The following DMXL2 variants were observed in gnomAD, a reference collection of about 807,000 sequenced individuals.
DMXL2 encodes the protein Dmx like 2.
In DMXL2, 103 loss-of-function variants were observed where a neutral mutation model predicts 331.1. The observed-to-expected ratio is 0.31, with a 90% CI of 0.27 to 0.37. DMXL2 has a LOEUF of 0.37. Ranked by LOEUF, DMXL2 falls within the 10% of genes least tolerant of loss-of-function variation. The probability of loss-of-function intolerance (pLI) is 1.00; values close to 1 mark genes in which losing one functional copy is unlikely to be tolerated. For missense variants in DMXL2, 3,171 were observed against 3,642.9 expected (o/e 0.87, Z 3.33); for synonymous variants, 1,281 against 1,252.1 (o/e 1.02, Z -0.49).
chr15:51,457,048 T>G (rs1595883938), intron 37 of DMXL2, among the ~76,000 whole-genome samples: 1 of 152,288 alleles, frequency 6.6e-6, no homozygotes, highest in Admixed American at 6.5e-5. Context: ...GGCATGCACC[T>G]GTAGTCCCAG....
chr15:51,588,771 A>G lies in DMXL2; in HGVS notation c.88-12590T>C, dbSNP rs562299180. Among the ~76,000 whole-genome samples the G allele has an allele frequency of 6.6e-5, 10 of 152,332 alleles. 1 individual carries two copies. Among genetic ancestry groups the G allele is most frequent in the African/African-American group, 2.4e-4 (10 of 41,570 alleles). ...CCAACACCTTCAGTATGATGGAAAG[A>G]GCATATTCCTGAGAATCTAGAGGAG... On this transcript the variant is annotated intron_variant, in intron 1 of 43. Coordinates refer to ENST00000560891, the MANE Select transcript of DMXL2 (RefSeq NM_001378457.1).
chr15:51,527,370 C>T (rs1041083763), intron 13 of DMXL2, among the ~76,000 whole-genome samples: 1 of 151,964 alleles, frequency 6.6e-6, no homozygotes, highest in South Asian at 2.1e-4. Flanking sequence ...CAACACCAGA[C>T]GTGTCATACA....
intron 41 of DMXL2, chr15:51,453,248 G>A (rs1319359552): frequency 4.6e-6 from 1 of 217,544 alleles, no homozygotes; most frequent in African/African-American, 2.3e-5. Context: ...AAATAAAAAT[G>A]TTGAGAATGA....
At position 51,565,154 on chromosome 15, in the gene DMXL2, G is replaced by A. The variant is rs140089794; in HGVS notation, c.298C>T (p.Gln100Ter). 6.4e-7 allele frequency: 1 copy of A among 1,573,636 alleles called. No individual in the cohort carries two copies. Among genetic ancestry groups the A allele is most frequent in the Non-Finnish European group, 8.6e-7 (1 of 1,162,820 alleles). ...AAAAACTGCCCAGTTTTAAGCCACT[G>A]GCACTTGAGTTGCTGAAATACGTAG... Reference protein sequence around the residue: ...SHKRNCQLKCQWLKTGQFFLS... With the variant: ...SHKRNCQLKC The change falls in exon 4 of 44, where the codon CAG becomes TAG. Residue 100 changes from glutamine to a stop codon, truncating the protein, a stop_gained. Transcript: ENST00000560891. LOFTEE classifies it high-confidence loss of function.
intron 1 of DMXL2, among the ~76,000 whole-genome samples, chr15:51,615,238 C>T (rs2054219160): frequency 6.6e-6 from 1 of 152,138 alleles, no homozygotes; most frequent in Admixed American, 6.5e-5. Context: ...AATCTGGAAT[C>T]AGGCTGAGAA....
At chr15:51,601,705 A>G (rs937057931) in intron 1 of DMXL2, among the ~76,000 whole-genome samples, 1 of 152,182 alleles carries the variant, frequency 6.6e-6, no homozygotes, top group Admixed American at 6.5e-5. Flanking sequence ...TTGCTCTTCA[A>G]TATTGCCTTA....
At chr15:51,477,713 T>C (rs977150445) in intron 26 of DMXL2, among the ~76,000 whole-genome samples, 4 of 152,098 alleles carry the variant, frequency 2.6e-5, no homozygotes, top group African/African-American at 9.6e-5. Context: ...GCTACTTACA[T>C]TGCTCTAGTC....
intron 19 of DMXL2, among the ~76,000 whole-genome samples, chr15:51,492,422 C>T (rs1201939896): frequency 6.6e-6 from 1 of 152,156 alleles, no homozygotes; most frequent in East Asian, 1.9e-4. Flanking sequence ...GCTTTTAGTG[C>T]CTTCAGTTAA....
In DMXL2 at chr15:51,498,704, C is replaced by T; in HGVS notation, c.4520G>A (p.Gly1507Asp). Residue 1507 changes from glycine (G) to aspartate (D), a missense_variant, in exon 18 of 44, where the codon GGC (glycine) becomes GAC (aspartate). By Grantham distance (94) the Gly-to-Asp change is moderately conservative. Transcript: ENST00000560891. ...TGAAAGTACCCTTGCATGTTCTTGG[C>T]CAAAGTAAGCTGGTCCATATTGAGA... is the stretch of plus-strand genomic sequence containing the variant. ...NLSQYGPAYF[G>D]QEHARVLSSH... 1 of 1,614,102 alleles carries T rather than the reference C, an allele frequency of 6.2e-7. No homozygotes were observed. The highest frequency in any genetic ancestry group is 8.5e-7 in the Non-Finnish European group (1 of 1,180,010).
At chr15:51,568,253 C>G (rs2050423931) in intron 3 of DMXL2, 4 of 392,434 alleles carry the variant, frequency 1.0e-5, no homozygotes, top group Non-Finnish European at 1.8e-5. Flanking sequence ...TAGGGTAGAT[C>G]TCAGTTAACA....
intron 16 of DMXL2, 79 bp downstream of exon 16, chr15:51,507,055 C>A (rs1173126996): frequency 6.0e-6 from 7 of 1,162,450 alleles, no homozygotes; most frequent in Non-Finnish European, 7.9e-6. Context: ...CTTCATTTTA[C>A]AGAATTAACC....
chr15:51,495,170 A>C (rs1479738007), intron 18 of DMXL2, 36 bp from the exon 19 acceptor site: 1 of 1,346,446 alleles, frequency 7.4e-7, no homozygotes, highest in Non-Finnish European at 1.1e-6. Flanking sequence ...TAAGGAAAAA[A>C]GAATGCAAGA....
chr15:51,519,123 A>G (rs1274897839), intron 13 of DMXL2, among the ~76,000 whole-genome samples: 2 of 152,184 alleles, frequency 1.3e-5, no homozygotes, highest in African/African-American at 2.4e-5. Flanking sequence ...AAAACTGCAC[A>G]TATGTGTTTT....
chr15:51,608,363 A>G (rs1190326625), intron 1 of DMXL2, among the ~76,000 whole-genome samples: 1 of 152,230 alleles, frequency 6.6e-6, no homozygotes, highest in East Asian at 1.9e-4. Flanking sequence ...ATGCCCATCA[A>G]TAATAGACTG....
At chr15:51,459,781 G>C in intron 33 of DMXL2, 121 bp from the exon 34 acceptor site, 1 of 1,202,362 alleles carries the variant, frequency 8.3e-7, no homozygotes, top group Non-Finnish European at 1.1e-6. Flanking sequence ...AAATGAATTT[G>C]CAAAATCAAG....
At chr15:51,454,450 A>C (rs1232790552) in intron 40 of DMXL2, among the ~76,000 whole-genome samples, 3 of 152,086 alleles carry the variant, frequency 2.0e-5, no homozygotes, top group Non-Finnish European at 4.4e-5. Flanking sequence ...TTATTTTATA[A>C]TCTGGTAAGC....
intron 16 of DMXL2, among the ~76,000 whole-genome samples, chr15:51,503,648 A>G (rs2043842768): frequency 6.6e-6 from 1 of 152,206 alleles, no homozygotes; most frequent in African/African-American, 2.4e-5. Context: ...CTATTGTTTG[A>G]TAGCACAGTA....
intron 1 of DMXL2, among the ~76,000 whole-genome samples, chr15:51,588,059 C>G (rs890459320): frequency 2.0e-5 from 3 of 151,448 alleles, no homozygotes; most frequent in African/African-American, 4.9e-5. Flanking sequence ...ATTGTAGATT[C>G]TGGATATTAG....
In DMXL2 at chr15:51,506,450, CTTTTTTTTTTTT is replaced by C. The variant is rs531570148; in HGVS notation, c.2764+672_2764+683del. On this transcript the variant is annotated intron_variant, in intron 16 of 43. Coordinates refer to ENST00000560891, the MANE Select transcript of DMXL2 (RefSeq NM_001378457.1). The stretch of plus-strand genomic sequence containing the variant: ...CATATTTCATCAAACAGCAATTCTG[CTTTTTTTTTTTT>C]TTTTTTTTTGAGATGGAGTCTTGCT... Among the ~76,000 whole-genome samples, 3 of 121,956 alleles carry C rather than the reference CTTTTTTTTTTTT, an allele frequency of 2.5e-5. No individual in the cohort carries two copies. In the South Asian group the frequency reaches 7.7e-4, roughly 31 times the overall value. The allele number at this position is 121,956 out of a possible 152,430, so 80.0% of individuals were successfully genotyped here.
Sources: allele counts gnomAD v4.1 joint callset (sites outside exome capture counted in the v4.1 genomes callset), GRCh38; gene constraint gnomAD v4.1.1; transcripts MANE v1.5; gene names NCBI Gene and HGNC (gene_info 2026-07-23, HGNC 2026-07-21).